The following WAC variants were observed in gnomAD, a reference collection of about 807,000 sequenced individuals.
WAC encodes WW domain-containing adapter protein with coiled-coil.
WAC carries 11 observed loss-of-function variants against 79.6 expected under a neutral mutation model. The observed-to-expected ratio is 0.14, with a 90% confidence interval of 0.09 to 0.23. The LOEUF is 0.23. Among genes scored for constraint, WAC ranks in the 10% least tolerant of loss-of-function variants. The pLI is 1.00. For missense variants in WAC, 728 were observed against 773.5 expected (o/e 0.94, Z 0.70); for synonymous variants, 304 against 276.9 (o/e 1.10, Z -0.97).
chr10:28,553,914 G>A lies in WAC; in HGVS notation c.274+18157G>A, dbSNP rs144108070. ...GGCAGAGTCTTGCTCTGTTAACCAT[G>A]CTGGAGTGCAGTGGTGCTATTTTGG... On this transcript the variant is annotated intron_variant, in intron 3 of 13. Coordinates refer to ENST00000354911, the MANE Select transcript of WAC (RefSeq NM_016628.5). 8.7e-4 allele frequency among the ~76,000 whole-genome samples: 132 copies of A among 152,158 alleles called. No homozygotes were observed. In the East Asian group the frequency reaches 0.02, roughly 23 times the overall value.
chr10:28,538,190 T>C (rs568373208), intron 3 of WAC: 131 of 160,762 alleles, frequency 8.1e-4, no homozygotes, highest in Non-Finnish European at 1.6e-3. Context: ...TTCTGGTGTT[T>C]ATTTTTTATT....
chr10:28,590,311 CAAAAAAA>C (rs34562281), intron 5 of WAC, among the ~76,000 whole-genome samples: 35 of 103,354 alleles, frequency 3.4e-4, no homozygotes, highest in African/African-American at 1.1e-3. Context: ...GATGCTATCT[CAAAAAAA>C]AAAAAAAAAA....
chr10:28,535,931 G>A, intron 3 of WAC, 174 bp downstream of exon 3: 3 of 583,316 alleles, frequency 5.1e-6, no homozygotes, highest in African/African-American at 1.9e-5. Flanking sequence ...ACAAGATGCT[G>A]ATGTGAGCAT....
intron 3 of WAC, 74 bp from the exon 4 acceptor site, chr10:28,583,325 A>G (rs866781878): frequency 6.5e-6 from 7 of 1,079,926 alleles, no homozygotes; most frequent in Non-Finnish European, 9.3e-6. Context: ...AATATCTAGT[A>G]TGATAGAAAA....
intron 6 of WAC, among the ~76,000 whole-genome samples, chr10:28,595,431 T>TG (rs1229790304): frequency 7.1e-6 from 1 of 141,108 alleles, no homozygotes; most frequent in African/African-American, 2.5e-5. Context: ...TTTTTTTTTT[T>TG]TGTGTTTTGT....
intron 3 of WAC, among the ~76,000 whole-genome samples, chr10:28,544,122 A>G (rs1223353161): frequency 6.6e-6 from 1 of 152,170 alleles, no homozygotes; most frequent in Admixed American, 6.5e-5. Flanking sequence ...GCCTCATGTG[A>G]TCCATTCGCC....
intron 3 of WAC, among the ~76,000 whole-genome samples, chr10:28,568,860 C>G (rs192961363): frequency 6.6e-6 from 1 of 152,342 alleles, no homozygotes; most frequent in African/African-American, 2.4e-5. Flanking sequence ...GCATGAGCCA[C>G]TGTGCCCGGC....
intron 3 of WAC, among the ~76,000 whole-genome samples, chr10:28,581,430 C>G (rs976090787): frequency 6.6e-6 from 1 of 151,874 alleles, no homozygotes; most frequent in Non-Finnish European, 1.5e-5. Flanking sequence ...GTTGTGAGAT[C>G]CCTCTGGAAG....
intron 3 of WAC, 39 bp downstream of exon 3, chr10:28,535,796 T>G: frequency 6.5e-7 from 1 of 1,540,800 alleles, no homozygotes; most frequent in Non-Finnish European, 8.9e-7. Flanking sequence ...CATACAGTTT[T>G]AACAATAGCT....
chr10:28,608,079 T>C, intron 7 of WAC, 107 bp from the exon 8 acceptor site: 1 of 1,191,786 alleles, frequency 8.4e-7, no homozygotes, highest in Non-Finnish European at 1.2e-6. Flanking sequence ...AAGGGTTAAA[T>C]GAGATTACTT....
chr10:28,562,510 T>A (rs1202440921), intron 3 of WAC, among the ~76,000 whole-genome samples: 1 of 152,242 alleles, frequency 6.6e-6, no homozygotes, highest in Non-Finnish European at 1.5e-5. Context: ...AACATGATTT[T>A]TGGTCTGGTA....
intron 2 of WAC, 104 bp from the exon 3 acceptor site, chr10:28,535,458 A>C (rs915343014): frequency 2.2e-6 from 3 of 1,339,084 alleles, no homozygotes; most frequent in Admixed American, 2.5e-5. Flanking sequence ...TTAATTTTGT[A>C]AGTTCATAAA....
intron 13 of WAC, chr10:28,618,038 A>G (rs904140212): frequency 3.9e-6 from 1 of 255,416 alleles, no homozygotes; most frequent in African/African-American, 2.3e-5. Flanking sequence ...ATATTACTGA[A>G]AAAATGAAAT....
intron 8 of WAC, among the ~76,000 whole-genome samples, chr10:28,609,457 T>C (rs1220813432): frequency 1.3e-5 from 2 of 152,240 alleles, no homozygotes; most frequent in Non-Finnish European, 2.9e-5. Context: ...ATCCTAAAAA[T>C]AAAGCTATCT....
At chr10:28,546,726 A>C (rs539398549) in intron 3 of WAC, among the ~76,000 whole-genome samples, 3 of 152,128 alleles carry the variant, frequency 2.0e-5, no homozygotes, top group African/African-American at 4.8e-5. Flanking sequence ...CTCCCCTTTG[A>C]GTTTGACCAA....
intron 3 of WAC, among the ~76,000 whole-genome samples, chr10:28,542,124 A>T (rs1472204988): frequency 6.6e-6 from 1 of 151,874 alleles, no homozygotes; most frequent in Admixed American, 6.6e-5. Context: ...TTCCTGTCTC[A>T]GGGGCTCTGC....
chr10:28,572,685 C>T (rs1420586686), intron 3 of WAC, among the ~76,000 whole-genome samples: 2 of 151,996 alleles, frequency 1.3e-5, no homozygotes, highest in African/African-American at 2.4e-5. Flanking sequence ...GTAGTGGGCA[C>T]CTGTAATCCC....
At chr10:28,564,676 G>A (rs1049175820) in intron 3 of WAC, among the ~76,000 whole-genome samples, 1 of 152,176 alleles carries the variant, frequency 6.6e-6, no homozygotes, top group South Asian at 2.1e-4. Context: ...AATCTATTTT[G>A]AGATAATTGT....
intron 4 of WAC, among the ~76,000 whole-genome samples, chr10:28,584,605 AAGGTGT>A (rs1179505397): frequency 6.6e-6 from 1 of 152,162 alleles, no homozygotes; most frequent in African/African-American, 2.4e-5. Context: ...AAGGCTGACA[AAGGTGT>A]AGGTTGAGTC....
Sources: gnomAD v4.1 joint callset for allele counts (sites outside exome capture counted in the v4.1 genomes callset) on GRCh38, gnomAD v4.1.1 for gene constraint, MANE v1.5 for transcripts, NCBI Gene and HGNC (gene_info 2026-07-23, HGNC 2026-07-21) for gene names.